The following IL1RAP variants were observed in gnomAD, a reference collection of about 807,000 sequenced individuals.
IL1RAP encodes the protein interleukin-1 receptor accessory protein.
IL1RAP carries 35 observed loss-of-function variants against 60.7 expected under a neutral mutation model. The ratio of observed to expected loss-of-function variants is 0.58; its 90% CI spans 0.44 to 0.76. The LOEUF is 0.76. Ranked by LOEUF, IL1RAP falls within the 30% of genes least tolerant of loss-of-function variation. The pLI is 0.00. For missense variants in IL1RAP, 572 were observed against 693.9 expected (o/e 0.82, Z 1.97); for synonymous variants, 268 against 250.9 (o/e 1.07, Z -0.64).
chr3:190,626,753 C>T (rs1045750384), intron 7 of IL1RAP, among the ~76,000 whole-genome samples: 1 of 149,720 alleles, frequency 6.7e-6, no homozygotes, highest in African/African-American at 2.5e-5. Context: ...TCACTGCAAC[C>T]TCCACCTCCT....
exon 12 of IL1RAP, chr3:190,657,191 T>C (rs1202410784): frequency 6.6e-6 from 1 of 152,262 alleles, no homozygotes; most frequent in Non-Finnish European, 1.5e-5. Flanking sequence ...ATTCTATTTT[T>C]ACGTCATTTT....
chr3:190,638,155 A>G (rs1050630212), intron 9 of IL1RAP, among the ~76,000 whole-genome samples: 40 of 152,118 alleles, frequency 2.6e-4, no homozygotes, highest in Non-Finnish European at 7.4e-5. Context: ...TCTGAGATGA[A>G]TACCTATGAG....
At chr3:190,580,586 C>G (rs994615538) in intron 3 of IL1RAP, among the ~76,000 whole-genome samples, 2 of 152,110 alleles carry the variant, frequency 1.3e-5, no homozygotes, top group African/African-American at 4.8e-5. Flanking sequence ...CATGAGGAAT[C>G]TAAAATAGTC....
chr3:190,527,370 G>C (rs955186301), intron 1 of IL1RAP, among the ~76,000 whole-genome samples: 4 of 152,200 alleles, frequency 2.6e-5, no homozygotes, highest in African/African-American at 9.6e-5. Flanking sequence ...TGACATGCTT[G>C]ACATGCTTGC....
At chr3:190,578,295 T>C (rs1302161615) in intron 3 of IL1RAP, among the ~76,000 whole-genome samples, 1 of 152,168 alleles carries the variant, frequency 6.6e-6, no homozygotes, top group Non-Finnish European at 1.5e-5. Context: ...AGTAAGAAAG[T>C]ATATAGATCT....
intron 3 of IL1RAP, among the ~76,000 whole-genome samples, chr3:190,584,479 G>A (rs771204854): frequency 1.8e-4 from 27 of 152,122 alleles, no homozygotes; most frequent in Admixed American, 6.6e-4. Context: ...CTGTATTCCC[G>A]TCTTCAATGA....
At chr3:190,525,775 A>G (rs918986546) in intron 1 of IL1RAP, among the ~76,000 whole-genome samples, 2 of 152,238 alleles carry the variant, frequency 1.3e-5, no homozygotes, top group African/African-American at 2.4e-5. Flanking sequence ...CTTTTTCTCA[A>G]ATGATACCAT....
intron 6 of IL1RAP, 116 bp downstream of exon 6, chr3:190,620,556 T>A: frequency 1.7e-5 from 15 of 903,622 alleles, no homozygotes; most frequent in Non-Finnish European, 2.0e-5. Flanking sequence ...TTCATGTTTT[T>A]TGTTTACAGT....
chr3:190,601,999 A>C (rs1425737397), intron 3 of IL1RAP, among the ~76,000 whole-genome samples: 1 of 152,018 alleles, frequency 6.6e-6, no homozygotes, highest in Non-Finnish European at 1.5e-5. Context: ...TGCCAGTAGA[A>C]CTCACAAGGA....
At chr3:190,543,440 G>A (rs1027560233) in intron 1 of IL1RAP, among the ~76,000 whole-genome samples, 6 of 152,126 alleles carry the variant, frequency 3.9e-5, no homozygotes, top group South Asian at 2.1e-4. Flanking sequence ...GTCTGCAAAC[G>A]TCTTAAGAGA....
exon 12 of IL1RAP, chr3:190,659,286 A>G (rs1416967961): frequency 1.3e-5 from 2 of 152,206 alleles, no homozygotes; most frequent in Non-Finnish European, 2.9e-5. Context: ...TAGCTAGAAA[A>G]TTTTGGTGCT....
chr3:190,656,602 C>A, exon 12 of IL1RAP: 1 of 1,500,244 alleles, frequency 6.7e-7, no homozygotes. Context: ...CTTTTATATC[C>A]TATAATTACT....
intron 1 of IL1RAP, among the ~76,000 whole-genome samples, chr3:190,533,214 C>A (rs1723143243): frequency 1.3e-5 from 2 of 152,002 alleles, no homozygotes; most frequent in Non-Finnish European, 2.9e-5. Flanking sequence ...TTGGGTCCAG[C>A]TCAACATAAA....
intron 1 of IL1RAP, 87 bp downstream of exon 1, chr3:190,514,306 A>G (rs1721304111): frequency 6.6e-6 from 1 of 151,784 alleles, no homozygotes; most frequent in African/African-American, 2.4e-5. Flanking sequence ...CTATCGTTAA[A>G]CCCTCCTACT....
rs143469221 is a variant in IL1RAP, at chr3:190,604,129, A to G, written c.66A>G (p.Glu22=). ...FYGILQSDAS[E]RCDDWGLDTM... is the part of the protein sequence containing the mutation. ...TTCTTTCTTTTTTGATTATTCCAGA[A>G]CGCTGCGATGACTGGGGACTAGACA... Residue 22 remains glutamate, a splice_region_variant and synonymous_variant, in exon 4 of 12, where the codon GAA becomes GAG. Transcript: ENST00000447382. 4.1e-4 allele frequency: 662 copies of G among 1,613,534 alleles called. 8 individuals are homozygous for G. In the African/African-American group the frequency reaches 7.0e-3, roughly 17 times the overall value.
chr3:190,644,082 T>C, intron 9 of IL1RAP, 166 bp from the exon 10 acceptor site: 1 of 965,838 alleles, frequency 1.0e-6, no homozygotes, highest in Non-Finnish European at 1.2e-6. Flanking sequence ...CATAACACAG[T>C]CTAGTATTTT....
intron 1 of IL1RAP, among the ~76,000 whole-genome samples, chr3:190,540,348 G>T (rs955264600): frequency 5.9e-5 from 9 of 151,830 alleles, no homozygotes; most frequent in African/African-American, 2.2e-4. Flanking sequence ...ATGTTTGTAA[G>T]ATGTCCATTT....
Position 190,624,989 on chromosome 3 carries a change from G to A in IL1RAP, c.775+1574G>A, listed in dbSNP as rs1469193478. On this transcript the variant is annotated intron_variant, in intron 7 of 11. Coordinates refer to ENST00000447382, the MANE Select transcript of IL1RAP (RefSeq NM_002182.4). ...GGGTGCTCCCTACCCACACTGCAGC[G>A]GGGTCCTCGTGTGCTCGCGGTGCAT... The A allele has an allele frequency of 3.0e-5, 5 of 167,536 alleles. No homozygotes were observed. The South Asian group carries it at 6.4e-4, about 22-fold the overall frequency. The allele number at this position is 167,536 out of a possible 1,614,324, so 10.4% of individuals were successfully genotyped here.
rs1316753217 is a variant in IL1RAP at position 190,645,773 on chromosome 3, C to A, written c.1276C>A (p.Arg426Ser). 1 of 1,613,130 alleles carries A rather than the reference C, an allele frequency of 6.2e-7. No individual in the cohort carries two copies. The highest frequency in any genetic ancestry group is 1.1e-5 in the South Asian group (1 of 91,036). ...AGAAGAATTTGTATTACTGACCCTCCGTGGAGTTTTGGAGAATGAATTTGG... is the reference window on the plus strand; with the variant it reads ...AGAAGAATTTGTATTACTGACCCTCAGTGGAGTTTTGGAGAATGAATTTGG... ...EEEEFVLLTL[R>S]GVLENEFGYK... The change falls in exon 11 of 12, where the codon CGT (arginine) becomes AGT (serine). Residue 426 changes from arginine (R) to serine (S), a missense_variant. Transcript: ENST00000447382.
Sources: allele counts gnomAD v4.1 joint callset (sites outside exome capture counted in the v4.1 genomes callset), GRCh38; gene constraint gnomAD v4.1.1; transcripts MANE v1.5; gene names NCBI Gene and HGNC (gene_info 2026-07-23, HGNC 2026-07-21).